FOLH1: variants seen among roughly 807,000 people sequenced by gnomAD.
The protein encoded by FOLH1 is glutamate carboxypeptidase 2.
A neutral mutation model predicts 93.9 loss-of-function variants in FOLH1; 54 were observed. That is an observed-to-expected ratio of 0.57 (90% CI 0.46 to 0.72). FOLH1 has a LOEUF of 0.72. Ranked by LOEUF, FOLH1 falls within the 30% of genes least tolerant of loss-of-function variation. The pLI is 0.00. For missense variants in FOLH1, 571 were observed against 892.5 expected (o/e 0.64, Z 4.59); for synonymous variants, 249 against 303.6 (o/e 0.82, Z 1.87).
At chr11:49,155,837 A>ATATATATAG (rs1390925070) in intron 15 of FOLH1, among the ~76,000 whole-genome samples, 12 of 41,286 alleles carry the variant, frequency 2.9e-4, no homozygotes, top group Non-Finnish European at 6.9e-4. Flanking sequence ...TATATATATA[A>ATATATATAG]TCAACAACAA....
chr11:49,183,043 T>A, intron 7 of FOLH1, 106 bp downstream of exon 7: 1 of 889,374 alleles, frequency 1.1e-6, no homozygotes, highest in Non-Finnish European at 1.7e-6. Context: ...GCAACACCCA[T>A]GTTGGAAAAT....
chr11:49,179,968 G>A (rs1222880769), intron 7 of FOLH1, among the ~76,000 whole-genome samples: 1 of 152,194 alleles, frequency 6.6e-6, no homozygotes, highest in Non-Finnish European at 1.5e-5. Flanking sequence ...TTTCTTGAGT[G>A]AGTGGGCTGT....
chr11:49,185,591 T>C, intron 6 of FOLH1, 78 bp downstream of exon 6: 2 of 1,561,096 alleles, frequency 1.3e-6, no homozygotes, highest in Non-Finnish European at 1.7e-6. Context: ...GCTTAGTCCA[T>C]TGTACCAAAG....
At chr11:49,170,849 A>G (rs1471775291) in intron 11 of FOLH1, among the ~76,000 whole-genome samples, 1 of 152,220 alleles carries the variant, frequency 6.6e-6, no homozygotes, top group Non-Finnish European at 1.5e-5. Flanking sequence ...TGCTAAGACA[A>G]TATTTTGAAG....
At chr11:49,196,282 G>A (rs184607349) in intron 3 of FOLH1, among the ~76,000 whole-genome samples, 1 of 152,190 alleles carries the variant, frequency 6.6e-6, no homozygotes, top group East Asian at 1.9e-4. Context: ...AATAAAAATT[G>A]TTATATGACG....
In FOLH1 at chr11:49,196,292, G is replaced by A. The variant is rs1222078073; in HGVS notation, c.412-3398C>T. On this transcript the variant is annotated intron_variant, in intron 3 of 18. Coordinates refer to ENST00000256999, the MANE Select transcript of FOLH1 (RefSeq NM_004476.3). ...CAAACAATAAAAATTGTTATATGAC[G>A]TAAAATAGTCATATTACAACCAATA... Among the ~76,000 whole-genome samples, 4 of 152,038 alleles carry A rather than the reference G, an allele frequency of 2.6e-5. No individual in the cohort carries two copies. The East Asian group carries it at 5.8e-4, about 22-fold the overall frequency.
chr11:49,201,103 A>G (rs1185443298), intron 2 of FOLH1, among the ~76,000 whole-genome samples: 1 of 151,930 alleles, frequency 6.6e-6, no homozygotes, highest in Non-Finnish European at 1.5e-5. Flanking sequence ...GGAGTAGACT[A>G]ATTTCTCATT....
intron 7 of FOLH1, among the ~76,000 whole-genome samples, chr11:49,179,347 G>C (rs1860465527): frequency 6.6e-6 from 1 of 152,122 alleles, no homozygotes; most frequent in Non-Finnish European, 1.5e-5. Flanking sequence ...AAACGAGCCT[G>C]GATAAATTTA....
intron 4 of FOLH1, among the ~76,000 whole-genome samples, chr11:49,192,453 G>A (rs1363372497): frequency 6.6e-6 from 1 of 152,202 alleles, no homozygotes; most frequent in Non-Finnish European, 1.5e-5. Context: ...GGTATGTAGA[G>A]TTGATTAAGA....
At chr11:49,162,830 G>T (rs1446243619) in intron 13 of FOLH1, 1 of 151,250 alleles carries the variant, frequency 6.6e-6, no homozygotes, top group Non-Finnish European at 1.5e-5. Flanking sequence ...TTTTCTGCAG[G>T]GCTGCTGTGT....
intron 13 of FOLH1, among the ~76,000 whole-genome samples, chr11:49,158,813 A>C (rs183679897): frequency 6.6e-6 from 1 of 152,296 alleles, no homozygotes; most frequent in East Asian, 1.9e-4. Context: ...TTCTTAGAGC[A>C]GTGGTTTGTA....
intron 6 of FOLH1, among the ~76,000 whole-genome samples, chr11:49,183,557 G>A (rs895937471): frequency 7.2e-5 from 11 of 152,112 alleles, no homozygotes; most frequent in African/African-American, 1.2e-4. Flanking sequence ...ACAAGAAGAC[G>A]TGTACAAAAT....
At chr11:49,152,991 ATCAT>A (rs896247523) in intron 17 of FOLH1, among the ~76,000 whole-genome samples, 74 of 152,270 alleles carry the variant, frequency 4.9e-4, no homozygotes, top group African/African-American at 1.5e-3. Flanking sequence ...TTTTTGCTGT[ATCAT>A]TTATTACTAA....
chr11:49,179,770 G>C (rs561658648), intron 7 of FOLH1, among the ~76,000 whole-genome samples: 6 of 152,190 alleles, frequency 3.9e-5, no homozygotes, highest in African/African-American at 1.4e-4. Context: ...AAAATAAATA[G>C]AGAAAATCAA....
At chr11:49,176,523 G>A (rs1860059238) in intron 7 of FOLH1, among the ~76,000 whole-genome samples, 2 of 152,152 alleles carry the variant, frequency 1.3e-5, no homozygotes, top group Non-Finnish European at 2.9e-5. Context: ...CTTTCAGCAG[G>A]TGACTGAGAA....
intron 18 of FOLH1, 61 bp from the exon 19 acceptor site, chr11:49,147,006 G>A: frequency 6.5e-7 from 1 of 1,547,396 alleles, no homozygotes; most frequent in Non-Finnish European, 8.7e-7. Context: ...AGAAACACAA[G>A]AGCACTCTGC....
At chr11:49,203,823 C>A (rs765782982) in intron 2 of FOLH1, among the ~76,000 whole-genome samples, 9 of 152,154 alleles carry the variant, frequency 5.9e-5, no homozygotes, top group African/African-American at 9.7e-5. Flanking sequence ...CAGGAGGGGG[C>A]TCTCCCCCCA....
chr11:49,157,163 A>G (rs1857124649), intron 14 of FOLH1, among the ~76,000 whole-genome samples: 1 of 151,996 alleles, frequency 6.6e-6, no homozygotes, highest in African/African-American at 2.4e-5. Flanking sequence ...TTTGCCCTTA[A>G]TAATATAAAT....
Position 49,146,902 on chromosome 11 carries a change from C to T in FOLH1, c.2107G>A (p.Glu703Lys), listed in dbSNP as rs770312515. ...APSSHNKYAG[E>K]SFPGIYDALF... ...GCATCATAAATTCCTGGGAATGACTCCCCTGCATACTTGTTGTGGCTGCTT... is the reference window on the plus strand; with the variant it reads ...GCATCATAAATTCCTGGGAATGACTTCCCTGCATACTTGTTGTGGCTGCTT... The change falls in exon 19 of 19, where the codon GAG becomes AAG. Residue 703 changes from glutamate to lysine, a missense_variant. Physicochemically the swap from Glu to Lys is moderately conservative, Grantham distance 56. This residue lies in a region of FOLH1 where 500 missense variants were observed against 822.9 expected (regional missense o/e 0.61). Coordinates refer to ENST00000256999, the MANE Select transcript of FOLH1 (RefSeq NM_004476.3). 1.2e-6 allele frequency: 2 copies of T among 1,613,116 alleles called. No homozygotes were observed. Among genetic ancestry groups the T allele is most frequent in the Non-Finnish European group, 1.7e-6 (2 of 1,179,416 alleles).
Sources: gnomAD v4.1 joint callset for allele counts (sites outside exome capture counted in the v4.1 genomes callset) on GRCh38, gnomAD v4.1.1 for gene constraint, gnomAD v4.1.1 regional missense constraint, MANE v1.5 for transcripts, NCBI Gene and HGNC (gene_info 2026-07-23, HGNC 2026-07-21) for gene names.